ADAMTS3: variants seen among roughly 807,000 people sequenced by gnomAD.
ADAMTS3 encodes ADAM metallopeptidase with thrombospondin type 1 motif 3, also known as A disintegrin and metalloproteinase with thrombospondin motifs 3.
In ADAMTS3, 73 loss-of-function variants were observed where a neutral mutation model predicts 129.0. The ratio of observed to expected loss-of-function variants is 0.57; its 90% CI spans 0.47 to 0.69. The LOEUF (loss-of-function observed/expected upper bound fraction) is 0.69, where lower values mean the gene tolerates loss of function less well. Ranked by LOEUF, ADAMTS3 falls within the 30% of genes least tolerant of loss-of-function variation. The pLI is 0.00. For missense variants in ADAMTS3, 1,457 were observed against 1,514.5 expected, an observed-to-expected ratio of 0.96 and a Z score of 0.63; for synonymous variants, 477 against 510.8, an observed-to-expected ratio of 0.93 and a Z score of 0.89.
At chr4:72,531,378 G>A (rs1295170844) in intron 3 of ADAMTS3, among the ~76,000 whole-genome samples, 1 of 152,148 alleles carries the variant, frequency 6.6e-6, no homozygotes, top group African/African-American at 2.4e-5. Context: ...GCCAAGTGGA[G>A]ATGCTGAATT....
intron 3 of ADAMTS3, among the ~76,000 whole-genome samples, chr4:72,489,708 ATTAG>A (rs1719690651): frequency 6.6e-6 from 1 of 151,866 alleles, no homozygotes; most frequent in South Asian, 2.1e-4. Flanking sequence ...ATATTTTATT[ATTAG>A]TTATTTGTAT....
At chr4:72,299,528 GAACA>G (rs1718899049) in intron 17 of ADAMTS3, among the ~76,000 whole-genome samples, 1 of 152,068 alleles carries the variant, frequency 6.6e-6, no homozygotes, top group African/African-American at 2.4e-5. Flanking sequence ...AGACTGAAGG[GAACA>G]AACACTTTTT....
intron 2 of ADAMTS3, among the ~76,000 whole-genome samples, chr4:72,549,964 AGAAGAAG>A (rs1721572193): frequency 1.5e-5 from 1 of 67,494 alleles, no homozygotes; most frequent in African/African-American, 5.8e-5. Flanking sequence ...AAAAAAAAAA[AGAAGAAG>A]AAGAAGAAGA....
At chr4:72,479,494 T>G (rs145317326) in intron 3 of ADAMTS3, among the ~76,000 whole-genome samples, 7,240 of 152,202 alleles carry the variant, frequency 0.048, 570 homozygotes, top group African/African-American at 0.17. Context: ...TAGCCATATG[T>G]AGAAAGCTGA....
chr4:72,463,853 C>T (rs1247341566), intron 3 of ADAMTS3, among the ~76,000 whole-genome samples: 1 of 151,862 alleles, frequency 6.6e-6, no homozygotes, highest in Non-Finnish European at 1.5e-5. Context: ...CAAAGAGAAG[C>T]CTCACTGAAA....
At position 72,556,615 on chromosome 4, in the gene ADAMTS3, G is replaced by A. The variant is rs918079238; in HGVS notation, c.98-7731C>T. Among the ~76,000 whole-genome samples the A allele has an allele frequency of 2.6e-5, 4 of 151,764 alleles. No individual in the cohort carries two copies. In the East Asian group the frequency reaches 7.7e-4, roughly 29 times the overall value. On this transcript the variant is annotated intron_variant, in intron 2 of 21. Coordinates refer to ENST00000286657, the MANE Select transcript of ADAMTS3 (RefSeq NM_014243.3). ...AGCAAGGAAGAGATTTGGGTATGAT[G>A]GTTGAGCACTAAAGGTCTGGAGTCA...
chr4:72,565,572 CTGT>C (rs1451524109), intron 2 of ADAMTS3, among the ~76,000 whole-genome samples: 2 of 152,162 alleles, frequency 1.3e-5, no homozygotes, highest in Non-Finnish European at 2.9e-5. Context: ...TTTATTCAAT[CTGT>C]TCTTCTCTTC....
intron 4 of ADAMTS3, among the ~76,000 whole-genome samples, chr4:72,350,908 T>C (rs1422330939): frequency 6.6e-6 from 1 of 151,722 alleles, no homozygotes; most frequent in Admixed American, 6.6e-5. Context: ...ATCTTTAGAG[T>C]TGTATCTCTG....
chr4:72,344,329 C>G (rs958608305), intron 4 of ADAMTS3, among the ~76,000 whole-genome samples: 3 of 151,974 alleles, frequency 2.0e-5, no homozygotes, highest in African/African-American at 7.3e-5. Flanking sequence ...CTCCCTACCC[C>G]AGAAAAAAAT....
At chr4:72,449,880 T>G (rs1718348686) in intron 3 of ADAMTS3, among the ~76,000 whole-genome samples, 1 of 151,732 alleles carries the variant, frequency 6.6e-6, no homozygotes, top group African/African-American at 2.4e-5. Flanking sequence ...AGTTTCAATC[T>G]AAATAGCATG....
At chr4:72,376,828 C>T (rs1721144634) in intron 4 of ADAMTS3, among the ~76,000 whole-genome samples, 1 of 152,136 alleles carries the variant, frequency 6.6e-6, no homozygotes, top group Non-Finnish European at 1.5e-5. Context: ...TTGTATTTCA[C>T]TGCCAAGGAT....
At chr4:72,319,613 T>C (rs1719498614) in intron 8 of ADAMTS3, 138 bp from the exon 9 acceptor site, 13 of 1,063,334 alleles carry the variant, frequency 1.2e-5, no homozygotes, top group Non-Finnish European at 1.7e-5. Context: ...GAAACGGAAA[T>C]TGACAGCAAT....
intron 3 of ADAMTS3, among the ~76,000 whole-genome samples, chr4:72,529,570 T>TA (rs960915537): frequency 6.8e-6 from 1 of 146,228 alleles, no homozygotes; most frequent in African/African-American, 2.5e-5. Flanking sequence ...GGGATCTCGA[T>TA]ATATACACAT....
chr4:72,560,740 C>T (rs4694489), intron 2 of ADAMTS3, among the ~76,000 whole-genome samples: 4,079 of 152,180 alleles, frequency 0.027, 209 homozygotes, highest in African/African-American at 0.094. Flanking sequence ...ACATGCTGAG[C>T]TTAATACCTA....
At chr4:72,480,660 C>G (rs918588524) in intron 3 of ADAMTS3, among the ~76,000 whole-genome samples, 1 of 150,318 alleles carries the variant, frequency 6.7e-6, no homozygotes, top group African/African-American at 2.5e-5. Flanking sequence ...CTAACCTGCA[C>G]ATTGTGCACA....
At chr4:72,305,444 C>A (rs1719057110) in intron 16 of ADAMTS3, among the ~76,000 whole-genome samples, 1 of 151,920 alleles carries the variant, frequency 6.6e-6, no homozygotes, top group Non-Finnish European at 1.5e-5. Flanking sequence ...TATTTGTAAA[C>A]ATAAGTATGA....
At chr4:72,523,695 A>T (rs1206561159) in intron 3 of ADAMTS3, among the ~76,000 whole-genome samples, 2 of 152,076 alleles carry the variant, frequency 1.3e-5, no homozygotes, top group African/African-American at 4.8e-5. Flanking sequence ...CAACCCACTC[A>T]AAATGACTCA....
chr4:72,286,289 T>C (rs1718504028), intron 21 of ADAMTS3, among the ~76,000 whole-genome samples: 2 of 152,238 alleles, frequency 1.3e-5, no homozygotes, highest in Admixed American at 6.5e-5. Flanking sequence ...GAATAAAATA[T>C]TCTGGTGACA....
Position 72,283,309 on chromosome 4 carries a change from A to C in ADAMTS3, c.3445T>G (p.Ser1149Ala), listed in dbSNP as rs766448141. 1.7e-5 allele frequency: 28 copies of C among 1,613,706 alleles called. No individual in the cohort carries two copies. The South Asian group carries it at 2.9e-4, about 16-fold the overall frequency. ...SKTVRLVTVP[S>A]SPPTKRVHLS... The stretch of plus-strand genomic sequence containing the variant: ...TGGACCCTCTTGGTGGGTGGGGAGG[A>C]TGGTACGGTGACCAGTCTCACAGTC... Residue 1149 changes from serine (S) to alanine (A), a missense_variant, in exon 22 of 22, where the codon TCC becomes GCC. Coordinates refer to ENST00000286657, the MANE Select transcript of ADAMTS3 (RefSeq NM_014243.3).
Sources: gnomAD v4.1 joint callset for allele counts (sites outside exome capture counted in the v4.1 genomes callset) on GRCh38, gnomAD v4.1.1 for gene constraint, MANE v1.5 for transcripts, NCBI Gene and HGNC (gene_info 2026-07-23, HGNC 2026-07-21) for gene names.